Variants in CPHXL2 observed in about 807,000 individuals in gnomAD.
CPHXL2 encodes cytoplasmic polyadenylated homeobox like 2.
At chr16:75,669,749 A>G in the CPHXL2 span, among the ~76,000 whole-genome samples, 1 of 152,206 alleles carries the variant, frequency 6.6e-6, no homozygotes, top group Non-Finnish European at 1.5e-5. Context: ...GGCCAGATCC[A>G]GCCAGTTGCG....
At chr16:75,662,949 C>T in the CPHXL2 span, among the ~76,000 whole-genome samples, 1 of 152,088 alleles carries the variant, frequency 6.6e-6, no homozygotes, top group African/African-American at 2.4e-5. Flanking sequence ...CAGGTGCCCG[C>T]CACCAAGCCC....
the CPHXL2 span, among the ~76,000 whole-genome samples, chr16:75,668,241 T>C: frequency 6.6e-6 from 1 of 150,746 alleles, no homozygotes; most frequent in African/African-American, 2.4e-5. Context: ...ATTTTTTTTT[T>C]TTTTTGAGAC....
the CPHXL2 span, among the ~76,000 whole-genome samples, chr16:75,672,407 A>T: frequency 6.6e-6 from 1 of 152,094 alleles, no homozygotes; most frequent in Non-Finnish European, 1.5e-5. Flanking sequence ...AGGGGCCACA[A>T]ATGTACAGTA....
the CPHXL2 span, among the ~76,000 whole-genome samples, chr16:75,674,284 A>G: frequency 6.7e-6 from 1 of 149,018 alleles, no homozygotes; most frequent in Non-Finnish European, 1.5e-5. Context: ...GAGGCAGGAC[A>G]ATGGTGTGAA....
the CPHXL2 span, among the ~76,000 whole-genome samples, chr16:75,669,036 T>A: frequency 6.6e-6 from 1 of 152,146 alleles, no homozygotes; most frequent in Admixed American, 6.6e-5. Flanking sequence ...AGGAAATGGC[T>A]GGAGATGGTG....
chr16:75,663,534 T>C, the CPHXL2 span, among the ~76,000 whole-genome samples: 9 of 152,150 alleles, frequency 5.9e-5, no homozygotes, highest in African/African-American at 1.2e-4. Flanking sequence ...CCTGCCTCAT[T>C]ATACCCTCCT....
chr16:75,675,709 G>A, the CPHXL2 span, among the ~76,000 whole-genome samples: 1 of 152,050 alleles, frequency 6.6e-6, no homozygotes, highest in African/African-American at 2.4e-5. Flanking sequence ...TTTATGGTTG[G>A]GCCATTGTTA....
At chr16:75,662,003 C>G in the CPHXL2 span, among the ~76,000 whole-genome samples, 1 of 152,148 alleles carries the variant, frequency 6.6e-6, no homozygotes, top group Non-Finnish European at 1.5e-5. Flanking sequence ...TCCCACAGGT[C>G]GAGGGCTCAG....
chr16:75,669,288 A>G, the CPHXL2 span: 10 of 394,798 alleles, frequency 2.5e-5, no homozygotes, highest in East Asian at 3.6e-4. Context: ...TGCACTCCAG[A>G]CTGGGCGACT....
chr16:75,669,346 T>C, the CPHXL2 span: 8 of 399,498 alleles, frequency 2.0e-5, no homozygotes, highest in Middle Eastern at 3.1e-4. Flanking sequence ...GAAACATGCA[T>C]ACGAGGTTGA....
the CPHXL2 span, among the ~76,000 whole-genome samples, chr16:75,664,766 CATGGATTA>C: frequency 9.9e-5 from 15 of 152,022 alleles, no homozygotes; most frequent in Non-Finnish European, 2.1e-4. Flanking sequence ...TTAACACATT[CATGGATTA>C]ATGGATTAAT....
At chr16:75,664,555 G>A in the CPHXL2 span, among the ~76,000 whole-genome samples, 1 of 146,978 alleles carries the variant, frequency 6.8e-6, no homozygotes, top group Non-Finnish European at 1.5e-5. Flanking sequence ...AACTGGGGAG[G>A]CAGAGGTTGC....
the CPHXL2 span, among the ~76,000 whole-genome samples, chr16:75,675,482 A>G: frequency 6.6e-6 from 1 of 152,126 alleles, no homozygotes; most frequent in African/African-American, 2.4e-5. Flanking sequence ...CATCTTTTCA[A>G]CAAATGGTGG....
chr16:75,665,833 C>G, the CPHXL2 span, among the ~76,000 whole-genome samples: 1 of 152,268 alleles, frequency 6.6e-6, no homozygotes, highest in Admixed American at 6.5e-5. Context: ...CCACTGCACT[C>G]CAGCCTGGGC....
At chr16:75,676,630 T>C in the CPHXL2 span, among the ~76,000 whole-genome samples, 6 of 152,182 alleles carry the variant, frequency 3.9e-5, no homozygotes, top group Non-Finnish European at 5.9e-5. Context: ...CCTCAATTGC[T>C]CTCTGCTTTA....
At chr16:75,676,107 C>T in the CPHXL2 span, among the ~76,000 whole-genome samples, 1 of 151,882 alleles carries the variant, frequency 6.6e-6, no homozygotes, top group African/African-American at 2.4e-5. Context: ...ATACAAAACA[C>T]ACAGTGAGCT....
At chr16:75,673,527 G>A in the CPHXL2 span, among the ~76,000 whole-genome samples, 1 of 151,960 alleles carries the variant, frequency 6.6e-6, no homozygotes, top group African/African-American at 2.4e-5. Context: ...TAATTTCCTA[G>A]GTCTGTCTAC....
chr16:75,671,499 A>T, the CPHXL2 span, among the ~76,000 whole-genome samples: 1 of 152,164 alleles, frequency 6.6e-6, no homozygotes, highest in African/African-American at 2.4e-5. Flanking sequence ...TGATGACACC[A>T]TCTGTCTTCC....
At chr16:75,669,676 C>T in the CPHXL2 span, 1 of 395,456 alleles carries the variant, frequency 2.5e-6, no homozygotes, top group Admixed American at 4.4e-5. Context: ...GGCGTGACCT[C>T]ATAGCTACTC....
Sources: gnomAD v4.1 joint callset for allele counts (sites outside exome capture counted in the v4.1 genomes callset) on GRCh38, gnomAD v4.1.1 for gene constraint, MANE v1.5 for transcripts, NCBI Gene and HGNC (gene_info 2026-07-23, HGNC 2026-07-21) for gene names.